PLPP3: variants seen among roughly 807,000 people sequenced by gnomAD.
PLPP3 encodes the protein phospholipid phosphatase 3.
In PLPP3, 6 loss-of-function variants were observed where a neutral mutation model predicts 29.6. The observed-to-expected ratio is 0.20, with a 90% CI of 0.11 to 0.40. PLPP3 has a LOEUF of 0.40. PLPP3 is among the 10% of genes least tolerant of loss of function. PLPP3 has a pLI of 1.00. For synonymous variants in PLPP3, 152 were observed against 159.7 expected, an observed-to-expected ratio of 0.95 and a Z score of 0.36; for missense variants, 308 against 407.7, an observed-to-expected ratio of 0.76 and a Z score of 2.11.
At chr1:56,500,215 TAA>T (rs1181221805) in intron 5 of PLPP3, among the ~76,000 whole-genome samples, 2 of 152,216 alleles carry the variant, frequency 1.3e-5, no homozygotes, top group Non-Finnish European at 2.9e-5. Flanking sequence ...TGAATATATA[TAA>T]GACAGTCTTT....
intron 1 of PLPP3, among the ~76,000 whole-genome samples, chr1:56,547,662 G>T (rs1453160629): frequency 6.6e-6 from 1 of 152,180 alleles, no homozygotes; most frequent in Non-Finnish European, 1.5e-5. Flanking sequence ...TGAGGAGACT[G>T]CTGCTCAGTG....
intron 1 of PLPP3, among the ~76,000 whole-genome samples, chr1:56,555,179 G>A (rs964735942): frequency 6.6e-6 from 1 of 151,946 alleles, no homozygotes; most frequent in African/African-American, 2.4e-5. Context: ...AGTTAGGGCT[G>A]AAACCAATGC....
chr1:56,563,512 C>T (rs2100299906), intron 1 of PLPP3, among the ~76,000 whole-genome samples: 1 of 152,312 alleles, frequency 6.6e-6, no homozygotes, highest in Admixed American at 6.5e-5. Context: ...TATTCTCCTA[C>T]CATGGCTCCT....
intron 4 of PLPP3, among the ~76,000 whole-genome samples, chr1:56,515,420 C>T (rs1208787950): frequency 1.3e-5 from 2 of 152,106 alleles, no homozygotes; most frequent in East Asian, 1.9e-4. Flanking sequence ...AGAGGAAGGG[C>T]GTGTTTCCCA....
chr1:56,558,023 G>C (rs960452089), intron 1 of PLPP3, among the ~76,000 whole-genome samples: 4 of 152,168 alleles, frequency 2.6e-5, no homozygotes, highest in Non-Finnish European at 5.9e-5. Context: ...AGAAGGCTTT[G>C]CCAGCAGGTT....
intron 1 of PLPP3, among the ~76,000 whole-genome samples, chr1:56,575,113 CGTCAA>C (rs200728963): frequency 0.017 from 2,647 of 152,240 alleles, 71 homozygotes; most frequent in East Asian, 0.1. Context: ...AAGTCTCTAA[CGTCAA>C]GCCTCTACTA....
At chr1:56,540,850 T>G (rs1408184352) in intron 1 of PLPP3, among the ~76,000 whole-genome samples, 1 of 152,170 alleles carries the variant, frequency 6.6e-6, no homozygotes, top group Non-Finnish European at 1.5e-5. Context: ...TATAACACTG[T>G]GCCTTGCCCT....
chr1:56,523,089 A>C (rs1210338183), intron 4 of PLPP3, among the ~76,000 whole-genome samples: 1 of 152,178 alleles, frequency 6.6e-6, no homozygotes, highest in Admixed American at 6.5e-5. Flanking sequence ...CATGCTGCTT[A>C]TCCTCTCTGG....
chr1:56,506,274 G>A (rs777456106), intron 5 of PLPP3, among the ~76,000 whole-genome samples: 21 of 152,182 alleles, frequency 1.4e-4, no homozygotes, highest in Middle Eastern at 6.3e-3. Context: ...GCTACTATGT[G>A]TCCTTGGGCG....
At chr1:56,512,203 A>G (rs1435440039) in intron 4 of PLPP3, 51 bp from the exon 5 acceptor site, 20 of 1,461,514 alleles carry the variant, frequency 1.4e-5, no homozygotes, top group Non-Finnish European at 1.5e-5. Context: ...CCCCACTCAC[A>G]TGCACTATAA....
chr1:56,572,043 GTTTT>G (rs375576842), intron 1 of PLPP3, among the ~76,000 whole-genome samples: 3 of 85,072 alleles, frequency 3.5e-5, no homozygotes, highest in Admixed American at 1.8e-4. Context: ...ATCATTTCTG[GTTTT>G]TTTTTTTTTT....
At chr1:56,574,664 G>A (rs961790045) in intron 1 of PLPP3, among the ~76,000 whole-genome samples, 8 of 152,170 alleles carry the variant, frequency 5.3e-5, no homozygotes, top group African/African-American at 9.7e-5. Context: ...CACATCCGGC[G>A]TAGGAAAAAT....
intron 1 of PLPP3, 37 bp downstream of exon 1, chr1:56,578,841 G>A (rs1646256531): frequency 2.7e-6 from 4 of 1,502,560 alleles, no homozygotes; most frequent in Non-Finnish European, 3.5e-6. Context: ...GAGGGACGAG[G>A]GGCCGAGGGG....
chr1:56,504,636 A>G (rs1009177397), intron 5 of PLPP3, among the ~76,000 whole-genome samples: 1 of 152,148 alleles, frequency 6.6e-6, no homozygotes, highest in Non-Finnish European at 1.5e-5. Context: ...GTCACAAAAC[A>G]TATCATGTTC....
chr1:56,527,315 T>G (rs553942646), intron 2 of PLPP3, among the ~76,000 whole-genome samples: 5 of 152,330 alleles, frequency 3.3e-5, no homozygotes, highest in African/African-American at 9.6e-5. Context: ...ACATTTATTT[T>G]GTACTGTAGT....
chr1:56,510,148 G>A (rs980511538), intron 5 of PLPP3, among the ~76,000 whole-genome samples: 1 of 152,162 alleles, frequency 6.6e-6, no homozygotes, highest in Non-Finnish European at 1.5e-5. Flanking sequence ...GCGCCAAGAA[G>A]GAACCACAAC....
At chr1:56,503,673 C>A (rs1382075275) in intron 5 of PLPP3, among the ~76,000 whole-genome samples, 1 of 152,144 alleles carries the variant, frequency 6.6e-6, no homozygotes, top group East Asian at 1.9e-4. Context: ...GAGTGAAACT[C>A]CATCTCCAAA....
At chr1:56,570,523 T>C (rs2100308085) in intron 1 of PLPP3, among the ~76,000 whole-genome samples, 1 of 152,328 alleles carries the variant, frequency 6.6e-6, no homozygotes, top group African/African-American at 2.4e-5. Context: ...TTTGTTTGGT[T>C]TGTTTTAAAT....
At chr1:56,501,327 A>G (rs143610966) in intron 5 of PLPP3, among the ~76,000 whole-genome samples, 3 of 152,274 alleles carry the variant, frequency 2.0e-5, no homozygotes, top group Admixed American at 1.3e-4. Flanking sequence ...TAACTATGCT[A>G]GGAAAGAAAT....
Sources: gnomAD v4.1 joint callset for allele counts (sites outside exome capture counted in the v4.1 genomes callset) on GRCh38, gnomAD v4.1.1 for gene constraint, MANE v1.5 for transcripts, NCBI Gene and HGNC (gene_info 2026-07-23, HGNC 2026-07-21) for gene names.